Variants in SGCZ observed in about 807,000 individuals in gnomAD.
The protein encoded by SGCZ is zeta-sarcoglycan.
In SGCZ, 40 loss-of-function variants were observed where a neutral mutation model predicts 41.3. That is an observed-to-expected ratio of 0.97 (90% CI 0.75 to 1.26). The LOEUF is 1.26. Ranked by LOEUF, SGCZ falls within the 50% of genes most tolerant of loss-of-function variation. SGCZ has a pLI of 0.00. For synonymous variants in SGCZ, 206 were observed against 137.5 expected (o/e 1.50, Z -3.49); for missense variants, 552 against 369.8 (o/e 1.49, Z -4.04).
chr8:14,225,227 C>T (rs1242879643), intron 4 of SGCZ, among the ~76,000 whole-genome samples: 4 of 152,062 alleles, frequency 2.6e-5, no homozygotes, highest in African/African-American at 9.7e-5. Flanking sequence ...GAAGGTTACT[C>T]ATAGCAGAGG....
intron 1 of SGCZ, among the ~76,000 whole-genome samples, chr8:14,641,667 A>G (rs1466681120): frequency 1.3e-5 from 2 of 151,660 alleles, no homozygotes; most frequent in Non-Finnish European, 1.5e-5. Context: ...TTTAAAATAC[A>G]TGATTTTCTG....
At chr8:15,059,822 T>G (rs1340365449) in intron 1 of SGCZ, among the ~76,000 whole-genome samples, 8 of 152,242 alleles carry the variant, frequency 5.3e-5, no homozygotes, top group African/African-American at 1.9e-4. Context: ...TCCCGGTTAA[T>G]GCCTTCAGTT....
intron 1 of SGCZ, among the ~76,000 whole-genome samples, chr8:15,077,476 A>C (rs1185715700): frequency 1.3e-5 from 2 of 152,238 alleles, no homozygotes; most frequent in Non-Finnish European, 1.5e-5. Context: ...TAGCATATGT[A>C]AAATTTAGTG....
intron 1 of SGCZ, among the ~76,000 whole-genome samples, chr8:14,583,122 C>G (rs1009792101): frequency 2.7e-5 from 4 of 149,920 alleles, no homozygotes; most frequent in African/African-American, 9.8e-5. Context: ...TACAGTCCCA[C>G]CAACAGTGTA....
intron 6 of SGCZ, among the ~76,000 whole-genome samples, chr8:14,107,830 T>G (rs979659947): frequency 8.6e-5 from 13 of 152,036 alleles, no homozygotes; most frequent in African/African-American, 3.1e-4. Context: ...CTATTTTTCG[T>G]AGAGACAGGG....
intron 1 of SGCZ, among the ~76,000 whole-genome samples, chr8:14,727,093 A>C (rs1440415354): frequency 1.3e-5 from 2 of 152,210 alleles, no homozygotes; most frequent in South Asian, 2.1e-4. Flanking sequence ...GAACGTATAA[A>C]GAGCACATAC....
At chr8:15,105,667 G>C (rs1374225831) in intron 1 of SGCZ, among the ~76,000 whole-genome samples, 1 of 152,130 alleles carries the variant, frequency 6.6e-6, no homozygotes, top group Non-Finnish European at 1.5e-5. Flanking sequence ...GATCTGGGCA[G>C]GGACACAGAG....
intron 2 of SGCZ, among the ~76,000 whole-genome samples, chr8:14,442,349 T>C (rs1442226287): frequency 6.6e-6 from 1 of 152,196 alleles, no homozygotes; most frequent in African/African-American, 2.4e-5. Context: ...CCTGCTGCCA[T>C]GTAAGAAGTG....
At chr8:14,397,764 C>T (rs1430688237) in intron 2 of SGCZ, among the ~76,000 whole-genome samples, 1 of 152,096 alleles carries the variant, frequency 6.6e-6, no homozygotes, top group African/African-American at 2.4e-5. Context: ...TAGAGTTCCC[C>T]TTCATCATCT....
At chr8:14,137,723 T>C (rs1563147675) in intron 5 of SGCZ, among the ~76,000 whole-genome samples, 2 of 152,142 alleles carry the variant, frequency 1.3e-5, no homozygotes, top group Non-Finnish European at 2.9e-5. Context: ...CTAAAAGTGA[T>C]GGGGAGAATG....
intron 1 of SGCZ, among the ~76,000 whole-genome samples, chr8:14,802,173 G>C (rs1801340497): frequency 6.6e-6 from 1 of 152,280 alleles, no homozygotes; most frequent in South Asian, 2.1e-4. Flanking sequence ...AGAAAGGCAA[G>C]GGGAAAACCT....
chr8:14,885,903 AC>A (rs1212121134), intron 1 of SGCZ, among the ~76,000 whole-genome samples: 1 of 149,072 alleles, frequency 6.7e-6, no homozygotes, highest in African/African-American at 2.5e-5. Flanking sequence ...AATAAAATTC[AC>A]CCTTAATACC....
chr8:14,882,268 T>C (rs1189046901), intron 1 of SGCZ, among the ~76,000 whole-genome samples: 1 of 152,164 alleles, frequency 6.6e-6, no homozygotes, highest in African/African-American at 2.4e-5. Context: ...AAGTCATTCC[T>C]TGAGGGAACC....
intron 3 of SGCZ, among the ~76,000 whole-genome samples, chr8:14,244,676 T>C (rs9692712): frequency 1 from 150,863 of 151,564 alleles, 75,088 homozygotes; most frequent in East Asian, 1. Flanking sequence ...CTATAAATTA[T>C]CTTGGGCAGT....
At chr8:15,059,145 C>T (rs1243061145) in intron 1 of SGCZ, among the ~76,000 whole-genome samples, 1 of 151,916 alleles carries the variant, frequency 6.6e-6, no homozygotes, top group Non-Finnish European at 1.5e-5. Flanking sequence ...AAATATTTTT[C>T]CATGAAAAAA....
At chr8:14,094,897 C>CT (rs1251619573) in intron 7 of SGCZ, among the ~76,000 whole-genome samples, 1 of 152,116 alleles carries the variant, frequency 6.6e-6, no homozygotes, top group East Asian at 1.9e-4. Context: ...TGATGAAGAG[C>CT]TTTTTTTCAT....
At chr8:14,769,482 G>A (rs1198576838) in intron 1 of SGCZ, among the ~76,000 whole-genome samples, 1 of 152,092 alleles carries the variant, frequency 6.6e-6, no homozygotes, top group African/African-American at 2.4e-5. Flanking sequence ...TAAAAGGAAG[G>A]AGTGGTCTTT....
chr8:14,514,550 T>G (rs1802555922), intron 2 of SGCZ, among the ~76,000 whole-genome samples: 1 of 151,432 alleles, frequency 6.6e-6, no homozygotes. Flanking sequence ...CATCAGTGTA[T>G]GAATTTTCTC....
intron 1 of SGCZ, among the ~76,000 whole-genome samples, chr8:14,955,705 G>C (rs957873888): frequency 2.0e-5 from 3 of 151,956 alleles, no homozygotes; most frequent in African/African-American, 7.3e-5. Flanking sequence ...TTTTCTATTG[G>C]ATTATCAAGA....
Sources: gnomAD v4.1 joint callset for allele counts (sites outside exome capture counted in the v4.1 genomes callset) on GRCh38, gnomAD v4.1.1 for gene constraint, MANE v1.5 for transcripts, NCBI Gene and HGNC (gene_info 2026-07-23, HGNC 2026-07-21) for gene names.